The following RGS6 variants were observed in gnomAD, a reference collection of about 807,000 sequenced individuals.
RGS6 encodes regulator of G protein signaling 6, also known as regulator of G-protein signaling 6.
In RGS6, 30 loss-of-function variants were observed where a neutral mutation model predicts 78.5. The ratio of observed to expected loss-of-function variants is 0.38; its 90% CI spans 0.29 to 0.52. The LOEUF (loss-of-function observed/expected upper bound fraction) is 0.52. Among genes scored for constraint, RGS6 ranks in the 20% least tolerant of loss-of-function variants. The probability of loss-of-function intolerance (pLI) is 0.85; values close to 1 mark genes in which losing one functional copy is unlikely to be tolerated. For missense variants in RGS6, 495 were observed against 609.7 expected (o/e 0.81, Z 1.98); for synonymous variants, 206 against 206.0 (o/e 1.00, Z 0.00).
chr14:72,351,542 C>G (rs941776953), intron 2 of RGS6, among the ~76,000 whole-genome samples: 1 of 152,274 alleles, frequency 6.6e-6, no homozygotes, highest in Admixed American at 6.5e-5. Flanking sequence ...GACCTGTTTT[C>G]CAACTTCTTC....
intron 14 of RGS6, among the ~76,000 whole-genome samples, chr14:72,517,156 C>G (rs1156586156): frequency 6.7e-6 from 1 of 148,782 alleles, no homozygotes. Context: ...AAAAAAGAAA[C>G]AAGTACATCT....
At chr14:72,364,349 C>G (rs2152805901) in intron 3 of RGS6, among the ~76,000 whole-genome samples, 1 of 152,296 alleles carries the variant, frequency 6.6e-6, no homozygotes, top group East Asian at 1.9e-4. Context: ...GGGTACCAAA[C>G]TTAAAGTTGA....
chr14:72,058,011 A>G (rs1344032582), intron 2 of RGS6, among the ~76,000 whole-genome samples: 1 of 151,384 alleles, frequency 6.6e-6, no homozygotes, highest in East Asian at 1.9e-4. Context: ...CTAAACCCAC[A>G]TGGTGGAAGT....
the RGS6 span, among the ~76,000 whole-genome samples, chr14:71,891,838 A>AT: frequency 2.0e-5 from 3 of 151,790 alleles, no homozygotes; most frequent in African/African-American, 7.3e-5. Flanking sequence ...ACCTCCTTGT[A>AT]TTTTTCCCCC....
At chr14:71,950,534 A>G (rs1399737028) in intron 1 of RGS6, among the ~76,000 whole-genome samples, 1 of 152,224 alleles carries the variant, frequency 6.6e-6, no homozygotes, top group African/African-American at 2.4e-5. Flanking sequence ...TGACAAAAAC[A>G]TCAAAAGCAA....
chr14:72,039,813 ATTTT>A (rs3053082), intron 2 of RGS6, among the ~76,000 whole-genome samples: 1 of 68,924 alleles, frequency 1.5e-5, no homozygotes, highest in Non-Finnish European at 2.7e-5. Context: ...TGTTTCATTG[ATTTT>A]TTTTTTTTTT....
At chr14:72,597,328 T>C in the RGS6 span, among the ~76,000 whole-genome samples, 4 of 152,186 alleles carry the variant, frequency 2.6e-5, no homozygotes, top group Non-Finnish European at 5.9e-5. Context: ...ATAAGAAATA[T>C]GTTTAGCATG....
intron 2 of RGS6, among the ~76,000 whole-genome samples, chr14:72,099,836 C>T (rs1567202984): frequency 6.6e-6 from 1 of 152,296 alleles, no homozygotes; most frequent in Non-Finnish European, 1.5e-5. Context: ...TTGTTGAGCA[C>T]TTACAGTGCC....
chr14:72,443,323 A>G (rs1195342196), intron 3 of RGS6, among the ~76,000 whole-genome samples: 1 of 152,216 alleles, frequency 6.6e-6, no homozygotes, highest in Non-Finnish European at 1.5e-5. Flanking sequence ...TTGCTCAAGA[A>G]CTTGTATGTC....
chr14:72,560,145 A>G (rs934469248), intron 17 of RGS6, among the ~76,000 whole-genome samples: 11 of 152,204 alleles, frequency 7.2e-5, no homozygotes, highest in Admixed American at 6.5e-4. Flanking sequence ...TGAGAGCCCC[A>G]AACGCTGTGG....
intron 2 of RGS6, among the ~76,000 whole-genome samples, chr14:72,072,889 A>T (rs2094455984): frequency 6.6e-6 from 1 of 152,254 alleles, no homozygotes; most frequent in South Asian, 2.1e-4. Context: ...GTGGCTGCAC[A>T]TTGGACAACC....
the RGS6 span, chr14:72,595,161 C>G: frequency 8.5e-5 from 13 of 152,184 alleles, no homozygotes; most frequent in East Asian, 2.5e-3. Context: ...AGTGGTAAAC[C>G]CTTATGAAAG....
At chr14:71,951,662 G>T (rs765819157) in intron 1 of RGS6, among the ~76,000 whole-genome samples, 18 of 152,150 alleles carry the variant, frequency 1.2e-4, no homozygotes, top group Non-Finnish European at 2.4e-4. Flanking sequence ...GATTGGGATT[G>T]CATTAAATCT....
chr14:72,460,109 T>C (rs1478257231), intron 6 of RGS6, among the ~76,000 whole-genome samples: 1 of 152,300 alleles, frequency 6.6e-6, no homozygotes, highest in Non-Finnish European at 1.5e-5. Flanking sequence ...AAGAACCTTT[T>C]GGTGTTCTTG....
chr14:72,590,414 CA>C, the RGS6 span, among the ~76,000 whole-genome samples: 1 of 152,186 alleles, frequency 6.6e-6, no homozygotes, highest in Non-Finnish European at 1.5e-5. Context: ...AATGAATAAA[CA>C]AATTGTGGCT....
intron 2 of RGS6, among the ~76,000 whole-genome samples, chr14:72,225,398 C>T (rs1347611644): frequency 6.6e-6 from 1 of 152,202 alleles, no homozygotes; most frequent in East Asian, 1.9e-4. Context: ...TCACAGCCCT[C>T]TGCAGACTCA....
intron 3 of RGS6, among the ~76,000 whole-genome samples, chr14:72,357,085 A>C (rs1014545822): frequency 6.6e-6 from 1 of 152,142 alleles, no homozygotes; most frequent in Non-Finnish European, 1.5e-5. Context: ...AGCCTGGCCA[A>C]CATGGTGAAG....
At chr14:72,278,538 A>G (rs1162769863) in intron 2 of RGS6, among the ~76,000 whole-genome samples, 1 of 152,182 alleles carries the variant, frequency 6.6e-6, no homozygotes, top group Admixed American at 6.5e-5. Context: ...GCATGATTTG[A>G]TGCCTGTTTT....
intron 17 of RGS6, chr14:72,553,153 ATC>A (rs2097529479): frequency 6.6e-6 from 1 of 152,456 alleles, no homozygotes; most frequent in African/African-American, 2.4e-5. Context: ...ACCTGCAAGT[ATC>A]TCTGTTGCAT....
Sources: allele counts gnomAD v4.1 joint callset (sites outside exome capture counted in the v4.1 genomes callset), GRCh38; gene constraint gnomAD v4.1.1; transcripts MANE v1.5; gene names NCBI Gene and HGNC (gene_info 2026-07-23, HGNC 2026-07-21).